Variants in PCDHA4 observed in about 807,000 individuals in gnomAD.
The protein encoded by PCDHA4 is protocadherin alpha 4, also known as protocadherin alpha-4.
Under a neutral mutation model 61.4 loss-of-function variants are expected in PCDHA4, and 49 were observed. The ratio of observed to expected loss-of-function variants is 0.80; its 90% CI spans 0.63 to 1.01. The LOEUF is 1.01. Ranked by LOEUF, PCDHA4 falls within the 50% of genes least tolerant of loss-of-function variation. The pLI is 0.00. For missense variants in PCDHA4, 1,254 were observed against 1,235.8 expected, an observed-to-expected ratio of 1.01 and a Z score of -0.22; for synonymous variants, 590 against 550.3, an observed-to-expected ratio of 1.07 and a Z score of -1.01.
chr5:140,931,473 A>G (rs2087545332), intron 1 of PCDHA4, among the ~76,000 whole-genome samples: 1 of 152,066 alleles, frequency 6.6e-6, no homozygotes, highest in Admixed American at 6.6e-5. Flanking sequence ...TGACAGAGGA[A>G]AAAACAACCC....
At chr5:140,899,402 G>C (rs1465071147) in intron 1 of PCDHA4, among the ~76,000 whole-genome samples, 20 of 152,122 alleles carry the variant, frequency 1.3e-4, no homozygotes, top group East Asian at 7.7e-4. Flanking sequence ...TAGCATGAAG[G>C]GTTGTTGAAT....
chr5:140,927,929 C>G (rs762916391), intron 1 of PCDHA4: 1 of 1,614,208 alleles, frequency 6.2e-7, no homozygotes, highest in Non-Finnish European at 8.5e-7. Flanking sequence ...CTGACTCTTT[C>G]GAACCCAGTA....
intron 1 of PCDHA4, chr5:140,870,354 G>T: frequency 6.2e-7 from 1 of 1,614,226 alleles, no homozygotes; most frequent in Non-Finnish European, 8.5e-7. Context: ...GCGAGAACGT[G>T]TGGGCCTATG....
intron 1 of PCDHA4, among the ~76,000 whole-genome samples, chr5:140,942,360 G>A (rs782168150): frequency 4.0e-5 from 6 of 151,816 alleles, no homozygotes; most frequent in Admixed American, 3.3e-4. Context: ...TGCAGTTAAC[G>A]GAGATTGCAC....
intron 1 of PCDHA4, chr5:140,816,314 T>C (rs1409404833): frequency 6.6e-6 from 1 of 152,232 alleles, no homozygotes; most frequent in Non-Finnish European, 1.5e-5. Flanking sequence ...AAATTTTCAG[T>C]TCAATTATTG....
chr5:140,976,287 AAGCCTGTAATCCC>A (rs1253731489), intron 1 of PCDHA4, among the ~76,000 whole-genome samples: 3 of 152,196 alleles, frequency 2.0e-5, no homozygotes, highest in Admixed American at 6.5e-5. Flanking sequence ...ACAGTGGCTC[AAGCCTGTAATCCC>A]AGCACTTTGG....
chr5:141,008,540 T>C (rs1435875214), intron 3 of PCDHA4, among the ~76,000 whole-genome samples: 2 of 152,190 alleles, frequency 1.3e-5, no homozygotes, highest in African/African-American at 4.8e-5. Context: ...ATGTCTTTTA[T>C]TGAAAACTCC....
At chr5:140,811,800 T>C (rs1266055715) in intron 1 of PCDHA4, 5 of 152,238 alleles carry the variant, frequency 3.3e-5, no homozygotes, top group African/African-American at 9.6e-5. Flanking sequence ...AATGTCTTCT[T>C]TTGAGAAGTG....
intron 1 of PCDHA4, chr5:140,824,589 T>A (rs2150134890): frequency 6.5e-6 from 1 of 154,268 alleles, no homozygotes; most frequent in Non-Finnish European, 1.4e-5. Context: ...GTAGCTGGAC[T>A]ACATGCACAT....
chr5:140,999,594 A>G (rs1279617761), intron 3 of PCDHA4, among the ~76,000 whole-genome samples: 25 of 152,186 alleles, frequency 1.6e-4, no homozygotes, highest in Admixed American at 1.4e-3. Flanking sequence ...TGCCTTCCCT[A>G]CATCCTGGGG....
chr5:140,871,461 A>G, intron 1 of PCDHA4: 1 of 1,605,278 alleles, frequency 6.2e-7, no homozygotes, highest in Non-Finnish European at 8.5e-7. Context: ...AGGAAGGGGA[A>G]AGACAGGAGC....
chr5:140,833,743 A>G (rs1554133938), intron 1 of PCDHA4, among the ~76,000 whole-genome samples: 1 of 114,690 alleles, frequency 8.7e-6, no homozygotes, highest in African/African-American at 3.3e-5. Flanking sequence ...CTTGCCTCCT[A>G]AAAAGAAAAC....
rs2150316766 is a variant in PCDHA4 at position 140,841,503 on chromosome 5, C to A, written c.2385+31931C>A. 418 of 1,613,290 alleles carry A rather than the reference C, an allele frequency of 2.6e-4. 3 individuals are homozygous for A. In the East Asian group the frequency reaches 7.1e-3, roughly 27 times the overall value. On this transcript the variant is annotated intron_variant, in intron 1 of 3. Transcript: ENST00000530339. ...GGGCTGGAGCTGGCGGAGCTGGTGC[C>A]GCGCCTGTTCCGGGTGGCGTCCAAA...
chr5:140,930,822 G>A (rs1338942917), intron 1 of PCDHA4, among the ~76,000 whole-genome samples: 2 of 152,140 alleles, frequency 1.3e-5, no homozygotes, highest in Non-Finnish European at 2.9e-5. Context: ...CTTAGTAAAT[G>A]CTGACTGAAT....
chr5:140,941,285 T>C (rs1563188656), intron 1 of PCDHA4, among the ~76,000 whole-genome samples: 1 of 119,964 alleles, frequency 8.3e-6, no homozygotes, highest in African/African-American at 2.9e-5. Flanking sequence ...TTCCTTCCTT[T>C]CTCTTTCTTT....
intron 1 of PCDHA4, chr5:140,852,674 C>G (rs1302085462): frequency 2.9e-5 from 28 of 966,250 alleles, no homozygotes; most frequent in African/African-American, 3.6e-5. Context: ...GCACAACTCA[C>G]CTTGAATATA....
rs192376340 is a variant in PCDHA4 at position 140,857,538 on chromosome 5, G to A, written c.2385+47966G>A. The A allele has an allele frequency of 8.8e-6, 14 of 1,597,348 alleles. No individual in the cohort carries two copies. In the East Asian group the frequency reaches 3.1e-4, roughly 36 times the overall value. On this transcript the variant is annotated intron_variant, in intron 1 of 3. Transcript: ENST00000530339. ...GTGTCCTACTCTCTGGTGGAGCGGC[G>A]GTTGGGCGAGCGCTCGCTGTCGAGC... is the stretch of plus-strand genomic sequence containing the variant.
intron 1 of PCDHA4, chr5:140,876,117 C>G: frequency 6.2e-7 from 1 of 1,613,922 alleles, no homozygotes; most frequent in East Asian, 2.2e-5. Context: ...TGATGGTAAT[C>G]GATGGCGGTA....
At chr5:140,869,669 T>A in intron 1 of PCDHA4, 1 of 1,613,476 alleles carries the variant, frequency 6.2e-7, no homozygotes, top group South Asian at 1.1e-5. Flanking sequence ...GGTAAGCAGA[T>A]TAAAAGACTG....
Sources: gnomAD v4.1 joint callset for allele counts (sites outside exome capture counted in the v4.1 genomes callset) on GRCh38, gnomAD v4.1.1 for gene constraint, MANE v1.5 for transcripts, NCBI Gene and HGNC (gene_info 2026-07-23, HGNC 2026-07-21) for gene names.